OXCT2: variants seen among roughly 807,000 people sequenced by gnomAD.
The protein encoded by OXCT2 is succinyl-CoA:3-ketoacid coenzyme A transferase 2, mitochondrial.
For synonymous variants in OXCT2, 110 were observed against 298.4 expected (o/e 0.37, Z 6.51); for missense variants, 317 against 695.7 (o/e 0.46, Z 6.12).
In OXCT2 at chr1:39,771,047, G is replaced by C; in HGVS notation, c.209C>G (p.Pro70Arg). Residue 70 changes from proline (P) to arginine (R), a missense_variant, in exon 1 of 1, where the codon CCC becomes CGC. By Grantham distance (103) the Pro-to-Arg change is moderately radical (BLOSUM62 -2). Transcript: ENST00000327582. The part of the protein sequence containing the change: ...MIGGFGLCGI[P>R]ENLIAALLRT... Reference sequence around the variant, plus strand: ...GAGCAGCGCGGCGATCAGGTTCTCGGGGATCCCGCAGAGCCCGAAGCCCCC... The same window carrying C: ...GAGCAGCGCGGCGATCAGGTTCTCGCGGATCCCGCAGAGCCCGAAGCCCCC... The C allele has an allele frequency of 2.6e-6, 4 of 1,523,946 alleles. No individual in the cohort carries two copies. The highest frequency in any genetic ancestry group is 3.5e-6 in the Non-Finnish European group (4 of 1,129,096). The allele number at this position is 1,523,946 out of a possible 1,614,324, so 94.4% of individuals were successfully genotyped here.
In OXCT2 at chr1:39,769,550, G is replaced by C. The variant is rs1447051143; in HGVS notation, c.*152C>G. The C allele has an allele frequency of 8.9e-7, 1 of 1,128,450 alleles. No individual in the cohort carries two copies. The highest frequency in any genetic ancestry group is 1.2e-6 in the Non-Finnish European group (1 of 840,018). 69.9% of individuals were successfully genotyped at this position (1,128,450 alleles called of 1,614,324 possible). On this transcript the variant is annotated 3_prime_UTR_variant, in exon 1 of 1. Coordinates refer to ENST00000327582, the MANE Select transcript of OXCT2 (RefSeq NM_022120.2). ...TGTTTTCCTGTTGTTTTTAATTAAA[G>C]TCGCAGCTCTCTAGAGGAGCACTGT...
In OXCT2 at chr1:39,770,364, C is replaced by A; in HGVS notation, c.892G>T (p.Ala298Ser). Residue 298 changes from alanine (A) to serine (S), a missense_variant, in exon 1 of 1, where the codon GCC (alanine) becomes TCC (serine). Ala to Ser is a moderately conservative substitution (Grantham distance 99). Transcript: ENST00000327582. ...GCGCGTCTGATGATGCGCGTCCTGG[C>A]GTCCTCTTCCTTTCCAGCGTCTCCA... ...EDGDAGKEEDARTRIIRRAAL... is the reference protein window; with the variant it reads ...EDGDAGKEEDSRTRIIRRAAL... 6.3e-7 allele frequency: 1 copy of A among 1,595,870 alleles called. No individual in the cohort carries two copies. Among genetic ancestry groups the A allele is most frequent in the South Asian group, 1.1e-5 (1 of 90,198 alleles).
chr1:39,771,330 G>A lies in OXCT2; in HGVS notation c.-75C>T, dbSNP rs1569825763. On this transcript the variant is annotated 5_prime_UTR_variant, in exon 1 of 1. Transcript: ENST00000327582. ...CCTCGGGCCGCGCGTCACAGAGCAG[G>A]GCGGGCGCCCGCGCCCTGACGCACT... The A allele has an allele frequency of 1.1e-5, 14 of 1,311,270 alleles. No homozygotes were observed. The highest frequency in any genetic ancestry group is 3.8e-5 in the Admixed American group (1 of 26,066). 81.2% of individuals were successfully genotyped at this position (1,311,270 alleles called of 1,614,324 possible).
chr1:39,769,723 G>A lies in OXCT2; in HGVS notation c.1533C>T (p.Pro511=). Residue 511 remains proline, a synonymous_variant, in exon 1 of 1, where the codon CCC becomes CCT. Coordinates refer to ENST00000327582, the MANE Select transcript of OXCT2 (RefSeq NM_022120.2). ...CCCGTCAGGGTGCCACCTGCTGCAT[G>A]GGCCTGAGGTTCGGGGACACAGCAA... The part of the protein sequence containing the change: ...CAFAVSPNLR[P]MQQVAP 2 of 1,610,012 alleles carry A rather than the reference G, an allele frequency of 1.2e-6. No individual in the cohort carries two copies. Among genetic ancestry groups the A allele is most frequent in the Non-Finnish European group, 1.7e-6 (2 of 1,177,532 alleles).
At position 39,769,889 on chromosome 1, in the gene OXCT2, G is replaced by A. The variant is rs146244343; in HGVS notation, c.1367C>T (p.Pro456Leu). 600 of 1,608,124 alleles carry A rather than the reference G, an allele frequency of 3.7e-4. 4 individuals are homozygous for A. The African/African-American group carries it at 5.6e-3, about 15-fold the overall frequency. Residue 456 changes from proline to leucine, a missense_variant, in exon 1 of 1, where the codon CCG (proline) becomes CTG (leucine). By Grantham distance (98) the Pro-to-Leu change is moderately conservative. Coordinates refer to ENST00000327582, the MANE Select transcript of OXCT2 (RefSeq NM_022120.2). ...GTCCACGCACCGCTTCCCGGTCAGC[G>A]GCATGGTGCATTTCTCCATGATCTT... The part of the protein sequence containing the change: ...TPKIMEKCTM[P>L]LTGKRCVDRI...
At position 39,770,539 on chromosome 1, in the gene OXCT2, G is replaced by A. The variant is rs138789145; in HGVS notation, c.717C>T (p.Asp239=). Residue 239 remains aspartate (D), a synonymous_variant, in exon 1 of 1, where the codon GAC becomes GAT. Transcript: ENST00000327582. ...NFNVPMCKAA[D]VTAVEVEEIV... Reference sequence around the variant, plus strand: ...TCTCTTCCACCTCCACCGCCGTGACGTCTGCAGCTTTGCACATGGGCACGT... The same window carrying A: ...TCTCTTCCACCTCCACCGCCGTGACATCTGCAGCTTTGCACATGGGCACGT... 1 of 1,609,884 alleles carries A rather than the reference G, an allele frequency of 6.2e-7. No homozygotes were observed. Among genetic ancestry groups the A allele is most frequent in the South Asian group, 1.1e-5 (1 of 90,730 alleles).
Position 39,770,097 on chromosome 1 carries a change from G to A in OXCT2, c.1159C>T (p.Arg387Ter), listed in dbSNP as rs1484406239. ...ATGGTTAGTTGGATGTGTCCCCCTC[G>A]GATCATGGCGAAGGAGTCGTCGCTG... is the stretch of plus-strand genomic sequence containing the variant. ...FASDDSFAMI[R>*]GGHIQLTMLG... The change falls in exon 1 of 1, where the codon CGA becomes TGA. Residue 387 changes from arginine (R) to a stop codon, truncating the protein, a stop_gained. Coordinates refer to ENST00000327582, the MANE Select transcript of OXCT2 (RefSeq NM_022120.2). LOFTEE classifies it low-confidence loss of function (END_TRUNC). 15 of 1,220,202 alleles carry A rather than the reference G, an allele frequency of 1.2e-5. No individual in the cohort carries two copies. Among genetic ancestry groups the A allele is most frequent in the South Asian group, 1.5e-5 (1 of 66,388 alleles). The allele number at this position is 1,220,202 out of a possible 1,614,324, so 75.6% of individuals were successfully genotyped here.
Position 39,771,298 on chromosome 1 carries a change from G to T in OXCT2, c.-43C>A, listed in dbSNP as rs1395006823. 7.6e-6 allele frequency: 11 copies of T among 1,440,330 alleles called. No homozygotes were observed. Among genetic ancestry groups the T allele is most frequent in the Non-Finnish European group, 1.0e-5 (11 of 1,100,712 alleles). The allele number at this position is 1,440,330 out of a possible 1,614,324, so 89.2% of individuals were successfully genotyped here. ...GGCCAGGACAGGTGGTGTGAGCCCT[G>T]CGTGCGCCTCGGGCCGCGCGTCACA... On this transcript the variant is annotated 5_prime_UTR_variant, in exon 1 of 1. Coordinates refer to ENST00000327582, the MANE Select transcript of OXCT2 (RefSeq NM_022120.2).
At position 39,771,208 on chromosome 1, in the gene OXCT2, G is replaced by A. The variant is rs547878500; in HGVS notation, c.48C>T (p.Pro16=). 6.5e-6 allele frequency: 10 copies of A among 1,529,638 alleles called. No individual in the cohort carries two copies. The highest frequency in any genetic ancestry group is 1.2e-5 in the South Asian group (1 of 80,626). The allele number at this position is 1,529,638 out of a possible 1,614,324, so 94.8% of individuals were successfully genotyped here. Residue 16 remains proline, a synonymous_variant, in exon 1 of 1, where the codon CCC becomes CCT. Coordinates refer to ENST00000327582, the MANE Select transcript of OXCT2 (RefSeq NM_022120.2). The stretch of plus-strand genomic sequence containing the variant: ...ACAGCGCGAGCCCTGAGCCGCCGGC[G>A]GGGACCCCGCGCCCGAGCACTGACG... ...LLASVLGRGV[P]AGGSGLALSQ... is the part of the protein sequence containing the mutation.
chr1:39,769,739 G>C lies in OXCT2; in HGVS notation c.1517C>G (p.Ser506Cys). ...KKSTGCAFAV[S>C]PNLRPMQQVA... is the part of the protein sequence containing the mutation. ...CTGCTGCATGGGCCTGAGGTTCGGGGACACAGCAAAGGCACACCCCGTGCT... is the reference window on the plus strand; with the variant it reads ...CTGCTGCATGGGCCTGAGGTTCGGGCACACAGCAAAGGCACACCCCGTGCT... The change falls in exon 1 of 1, where the codon TCC (serine) becomes TGC (cysteine). Residue 506 changes from serine to cysteine, a missense_variant. By Grantham distance (112) the Ser-to-Cys change is moderately radical (BLOSUM62 -1). Transcript: ENST00000327582. The C allele has an allele frequency of 5.6e-6, 9 of 1,611,056 alleles. No homozygotes were observed. The highest frequency in any genetic ancestry group is 6.8e-6 in the Non-Finnish European group (8 of 1,178,294).
At position 39,770,246 on chromosome 1, in the gene OXCT2, T is replaced by G; in HGVS notation, c.1010A>C (p.His337Pro). 6.6e-7 allele frequency: 1 copy of G among 1,520,912 alleles called. No individual in the cohort carries two copies. Among genetic ancestry groups the G allele is most frequent in the Non-Finnish European group, 8.8e-7 (1 of 1,132,016 alleles). 94.2% of individuals were successfully genotyped at this position (1,520,912 alleles called of 1,614,324 possible). A position where few individuals can be genotyped will look rare whatever the true frequency, so the allele number is the denominator to read the frequency against. Residue 337 changes from histidine (H) to proline (P), a missense_variant, in exon 1 of 1, where the codon CAT (histidine) becomes CCT (proline). Transcript: ENST00000327582. ...SNFISPSMTV[H>P]LHSENGILGL... is the part of the protein sequence containing the mutation. Reference sequence around the variant, plus strand: ...CAGGATCCCGTTCTCACTGTGAAGATGGACAGTCATGCTGGGACTGATGAA... The same window carrying G: ...CAGGATCCCGTTCTCACTGTGAAGAGGGACAGTCATGCTGGGACTGATGAA...
At position 39,769,829 on chromosome 1, in the gene OXCT2, T is replaced by A; in HGVS notation, c.1427A>T (p.His476Leu). The change falls in exon 1 of 1, where the codon CAC (histidine) becomes CTC (leucine). Residue 476 changes from histidine to leucine, a missense_variant. By Grantham distance (99) the His-to-Leu change is moderately conservative. Coordinates refer to ENST00000327582, the MANE Select transcript of OXCT2 (RefSeq NM_022120.2). ...IITEKAVFDV[H>L]RKKELTLREL... ...CCTCAGCGTCAGCTCTTTCTTCCTG[T>A]GCACGTCAAACACGGCCTTCTCGGT... is the stretch of plus-strand genomic sequence containing the variant. 1 of 1,613,406 alleles carries A rather than the reference T, an allele frequency of 6.2e-7. No homozygotes were observed. The highest frequency in any genetic ancestry group is 8.5e-7 in the Non-Finnish European group (1 of 1,179,788).
chr1:39,770,684 T>A lies in OXCT2; in HGVS notation c.572A>T (p.Glu191Val). ...CAAAAGGAAGTGGTCGCCGTTGAAC[T>A]CCCTCACCTCTCGGGGCTGGCTCAT... Reference protein sequence around the residue: ...ALMSQPREVREFNGDHFLLER... With the variant: ...ALMSQPREVRVFNGDHFLLER... The change falls in exon 1 of 1, where the codon GAG becomes GTG. Residue 191 changes from glutamate (E) to valine (V), a missense_variant. Transcript: ENST00000327582. 1.5e-6 allele frequency: 2 copies of A among 1,352,868 alleles called. No individual in the cohort carries two copies. The highest frequency in any genetic ancestry group is 2.0e-6 in the Non-Finnish European group (2 of 1,006,052). 83.8% of individuals were successfully genotyped at this position (1,352,868 alleles called of 1,614,324 possible). A position where few individuals can be genotyped will look rare whatever the true frequency, so the allele number is the denominator to read the frequency against.
chr1:39,770,989 G>T lies in OXCT2; in HGVS notation c.267C>A (p.Ser89Arg). The T allele has an allele frequency of 7.0e-7, 1 of 1,425,850 alleles. No homozygotes were observed. Among genetic ancestry groups the T allele is most frequent in the South Asian group, 1.3e-5 (1 of 77,350 alleles). 88.3% of individuals were successfully genotyped at this position (1,425,850 alleles called of 1,614,324 possible). The change falls in exon 1 of 1, where the codon AGC becomes AGA. Residue 89 changes from serine to arginine, a missense_variant. Transcript: ENST00000327582. ...CGAAGTCCTCCACGCCCACGTTGCT[G>T]CTGACCACCTGCAGGTCTTTCACGC... The part of the protein sequence containing the change: ...RTRVKDLQVV[S>R]SNVGVEDFGL...
rs1649946679 is a variant in OXCT2 at position 39,771,128 on chromosome 1, T to C, written c.128A>G (p.Tyr43Cys). The change falls in exon 1 of 1, where the codon TAC becomes TGC. Residue 43 changes from tyrosine to cysteine, a missense_variant. Tyr to Cys is a radical substitution (Grantham distance 194). Transcript: ENST00000327582. Reference sequence around the variant, plus strand: ...CTTCACCATCTCCACCGGGTCCGCGTAGAACTTGGCACGGAGCCGGGGACT... The same window carrying C: ...CTTCACCATCTCCACCGGGTCCGCGCAGAACTTGGCACGGAGCCGGGGACT... ...ATSPRLRAKF[Y>C]ADPVEMVKDI... 1.3e-6 allele frequency: 2 copies of C among 1,555,704 alleles called. No individual in the cohort carries two copies. The highest frequency in any genetic ancestry group is 1.4e-5 in the African/African-American group (1 of 73,314).
At position 39,770,473 on chromosome 1, in the gene OXCT2, A is replaced by T; in HGVS notation, c.783T>A (p.Val261=). The T allele has an allele frequency of 6.2e-7, 1 of 1,610,080 alleles. No individual in the cohort carries two copies. Among genetic ancestry groups the T allele is most frequent in the South Asian group, 1.1e-5 (1 of 90,740 alleles). ...VGAFPPEDIH[V]PNIYVDRVIK... Reference sequence around the variant, plus strand: ...TCACGCGATCTACATAAATGTTAGGAACGTGGATGTCTTCTGGGGGGAAAG... The same window carrying T: ...TCACGCGATCTACATAAATGTTAGGTACGTGGATGTCTTCTGGGGGGAAAG... Residue 261 remains valine, a synonymous_variant, in exon 1 of 1, where the codon GTT becomes GTA. Coordinates refer to ENST00000327582, the MANE Select transcript of OXCT2 (RefSeq NM_022120.2).
chr1:39,770,590 G>A lies in OXCT2; in HGVS notation c.666C>T (p.Val222=), dbSNP rs1267608105. The A allele has an allele frequency of 6.3e-7, 1 of 1,599,910 alleles. No homozygotes were observed. The highest frequency in any genetic ancestry group is 1.4e-5 in the African/African-American group (1 of 71,392). Residue 222 remains valine (V), a synonymous_variant, in exon 1 of 1, where the codon GTC becomes GTT. Transcript: ENST00000327582. ...GWKADRAGNV[V]FRRSARNFNV... ...TGAAATTGCGGGCGCTTCTCCTGAA[G>A]ACCACGTTTCCTGCCCGGTCGGCCT...
chr1:39,770,475 C>A lies in OXCT2; in HGVS notation c.781G>T (p.Val261Phe), dbSNP rs1386288246. Residue 261 changes from valine to phenylalanine, a missense_variant, in exon 1 of 1, where the codon GTT (valine) becomes TTT (phenylalanine). Transcript: ENST00000327582. ...VGAFPPEDIH[V>F]PNIYVDRVIK... is the part of the protein sequence containing the mutation. The stretch of plus-strand genomic sequence containing the variant: ...ACGCGATCTACATAAATGTTAGGAA[C>A]GTGGATGTCTTCTGGGGGGAAAGCC... The A allele has an allele frequency of 6.2e-7, 1 of 1,610,250 alleles. No homozygotes were observed. The highest frequency in any genetic ancestry group is 8.5e-7 in the Non-Finnish European group (1 of 1,179,210).
At position 39,770,506 on chromosome 1, in the gene OXCT2, C is replaced by T; in HGVS notation, c.750G>A (p.Glu250=). 2.5e-6 allele frequency: 4 copies of T among 1,610,484 alleles called. No homozygotes were observed. The highest frequency in any genetic ancestry group is 3.4e-6 in the Non-Finnish European group (4 of 1,179,226). The change falls in exon 1 of 1, where the codon GAG becomes GAA. Residue 250 remains glutamate (E), a synonymous_variant. Transcript: ENST00000327582. ...VTAVEVEEIV[E]VGAFPPEDIH... is the part of the protein sequence containing the mutation. The stretch of plus-strand genomic sequence containing the variant: ...TGTCTTCTGGGGGGAAAGCCCCCAC[C>T]TCCACGATCTCTTCCACCTCCACCG...
Sources: gnomAD v4.1 joint callset for allele counts on GRCh38, gnomAD v4.1.1 for gene constraint, MANE v1.5 for transcripts, NCBI Gene and HGNC (gene_info 2026-07-23, HGNC 2026-07-21) for gene names.